ST6GAL2: variants seen among roughly 807,000 people sequenced by gnomAD.
The protein encoded by ST6GAL2 is ST6 beta-galactoside alpha-2,6-sialyltransferase 2.
A neutral mutation model predicts 37.5 loss-of-function variants in ST6GAL2; 24 were observed. That is an observed-to-expected ratio of 0.64 (90% CI 0.46 to 0.90). ST6GAL2 has a LOEUF of 0.90. Ranked by LOEUF, ST6GAL2 falls within the 40% of genes least tolerant of loss-of-function variation. The probability of loss-of-function intolerance (pLI) is 0.00; values close to 1 mark genes in which losing one functional copy is unlikely to be tolerated. For synonymous variants in ST6GAL2, 306 were observed against 295.1 expected, an observed-to-expected ratio of 1.04 and a Z score of -0.38; for missense variants, 715 against 712.7, an observed-to-expected ratio of 1.00 and a Z score of -0.04.
intron 5 of ST6GAL2, among the ~76,000 whole-genome samples, chr2:106,814,772 TG>T (rs1291479377): frequency 6.6e-6 from 1 of 152,200 alleles, no homozygotes; most frequent in Non-Finnish European, 1.5e-5. Context: ...TGTCATTACG[TG>T]GGCAAAATAG....
chr2:106,825,770 G>C (rs965809957), intron 5 of ST6GAL2, among the ~76,000 whole-genome samples: 5 of 152,174 alleles, frequency 3.3e-5, no homozygotes, highest in African/African-American at 1.2e-4. Flanking sequence ...TGTCTGTCCT[G>C]CAAATTTTGG....
intron 1 of ST6GAL2, among the ~76,000 whole-genome samples, chr2:106,873,019 A>C (rs1045766613): frequency 6.6e-6 from 1 of 152,204 alleles, no homozygotes; most frequent in Non-Finnish European, 1.5e-5. Flanking sequence ...ATTTCAAAAA[A>C]CAAAATAAAA....
chr2:106,875,111 T>C (rs6744287), intron 1 of ST6GAL2, among the ~76,000 whole-genome samples: 6,695 of 152,198 alleles, frequency 0.044, 471 homozygotes, highest in African/African-American at 0.15. Flanking sequence ...TGAAATCACA[T>C]TTATATTTCT....
At chr2:106,836,903 C>G (rs1573244636) in intron 2 of ST6GAL2, among the ~76,000 whole-genome samples, 1 of 135,078 alleles carries the variant, frequency 7.4e-6, no homozygotes, top group Admixed American at 8.1e-5. Context: ...AAGATTGCAC[C>G]ATTACACTAC....
intron 1 of ST6GAL2, among the ~76,000 whole-genome samples, chr2:106,872,466 A>G (rs1346016665): frequency 2.0e-5 from 3 of 152,216 alleles, no homozygotes; most frequent in Admixed American, 6.5e-5. Flanking sequence ...GTGACTTAAA[A>G]TGATTTCCAT....
intron 2 of ST6GAL2, among the ~76,000 whole-genome samples, chr2:106,835,709 T>C (rs1430777469): frequency 1.3e-5 from 2 of 152,170 alleles, no homozygotes; most frequent in African/African-American, 2.4e-5. Context: ...GTTGAGTTGT[T>C]GAGACAGAGA....
rs370785193 is a variant in ST6GAL2 at position 106,809,261 on chromosome 2, C to A, written c.1319-2312G>T. Among the ~76,000 whole-genome samples, 112 of 152,356 alleles carry A rather than the reference C, an allele frequency of 7.4e-4. 1 individual carries two copies. The highest frequency in any genetic ancestry group is 2.5e-3 in the African/African-American group (105 of 41,586). On this transcript the variant is annotated intron_variant, in intron 5 of 5. Transcript: ENST00000409382. Reference sequence around the variant, plus strand: ...ACGCTGAAGGGGGTGGACTTCATCACGGGCATCATTAATCAATATATTTAT... The same window carrying A: ...ACGCTGAAGGGGGTGGACTTCATCAAGGGCATCATTAATCAATATATTTAT...
intron 1 of ST6GAL2, among the ~76,000 whole-genome samples, chr2:106,854,271 C>A (rs958645382): frequency 6.6e-6 from 1 of 152,194 alleles, no homozygotes; most frequent in Non-Finnish European, 1.5e-5. Context: ...CTGTTGGCAC[C>A]TGCATAATTT....
At position 106,870,364 on chromosome 2, in the gene ST6GAL2, C is replaced by T. The variant is rs367813537; in HGVS notation, c.-58+15729G>A. ...AAAACGTGAAAACTTCCAGTTAGCT[C>T]GGATAGTCATGAAATGTAAACAGGT... On this transcript the variant is annotated intron_variant, in intron 1 of 5. Coordinates refer to ENST00000409382, the MANE Select transcript of ST6GAL2 (RefSeq NM_001142351.2). Among the ~76,000 whole-genome samples the T allele has an allele frequency of 1.1e-4, 17 of 152,186 alleles. No homozygotes were observed. The South Asian group carries it at 3.1e-3, about 28-fold the overall frequency.
chr2:106,840,551 G>T (rs1335256188), intron 2 of ST6GAL2, among the ~76,000 whole-genome samples: 1 of 152,104 alleles, frequency 6.6e-6, no homozygotes, highest in African/African-American at 2.4e-5. Flanking sequence ...ACAATAAAGA[G>T]AATTTTAAAG....
intron 1 of ST6GAL2, among the ~76,000 whole-genome samples, chr2:106,878,477 C>T (rs1015944082): frequency 6.6e-6 from 1 of 152,060 alleles, no homozygotes; most frequent in East Asian, 1.9e-4. Context: ...AAGACAAAGA[C>T]CAGGCTGAGC....
rs573867222 is a variant in ST6GAL2, at chr2:106,872,747, G to A, written c.-58+13346C>T. ...CTCCTGAGTAGCTGGGATTACAGGC[G>A]CCCGCCACCACACCCAGCTGATTTT... On this transcript the variant is annotated intron_variant, in intron 1 of 5. Coordinates refer to ENST00000409382, the MANE Select transcript of ST6GAL2 (RefSeq NM_001142351.2). Among the ~76,000 whole-genome samples, 25 of 152,064 alleles carry A rather than the reference G, an allele frequency of 1.6e-4. No homozygotes were observed. In the South Asian group the frequency reaches 1.7e-3, roughly 10 times the overall value.
chr2:106,863,218 C>T (rs544834611), intron 1 of ST6GAL2, among the ~76,000 whole-genome samples: 9 of 152,126 alleles, frequency 5.9e-5, no homozygotes, highest in Non-Finnish European at 1.0e-4. Flanking sequence ...GCCTGGCTCA[C>T]GTTTGCTCTC....
chr2:106,877,374 T>C (rs1410675719), intron 1 of ST6GAL2, among the ~76,000 whole-genome samples: 5 of 152,196 alleles, frequency 3.3e-5, no homozygotes, highest in Admixed American at 6.5e-5. Flanking sequence ...AAATATTACA[T>C]ATACATGTAT....
At chr2:106,870,856 T>C (rs1481359697) in intron 1 of ST6GAL2, among the ~76,000 whole-genome samples, 1 of 152,100 alleles carries the variant, frequency 6.6e-6, no homozygotes, top group African/African-American at 2.4e-5. Context: ...GCACGGCTCA[T>C]AAGGAAAATG....
chr2:106,823,559 GAT>G (rs762311654), intron 5 of ST6GAL2, among the ~76,000 whole-genome samples: 1 of 149,740 alleles, frequency 6.7e-6, no homozygotes, highest in Non-Finnish European at 1.5e-5. Flanking sequence ...AAGAACACAC[GAT>G]GTATGAGCCA....
intron 1 of ST6GAL2, among the ~76,000 whole-genome samples, chr2:106,862,858 C>A (rs1438235526): frequency 6.6e-6 from 1 of 152,132 alleles, no homozygotes; most frequent in Non-Finnish European, 1.5e-5. Flanking sequence ...TGACTAAATG[C>A]TGGAGAAAAC....
chr2:106,811,538 T>A lies in ST6GAL2; in HGVS notation c.1319-4589A>T, dbSNP rs138210704. ...GCACCTTTCTTTAAAAAGGTAAAGATATTAAATAAAACTAAAGATTTCACC... is the reference window on the plus strand; with the variant it reads ...GCACCTTTCTTTAAAAAGGTAAAGAAATTAAATAAAACTAAAGATTTCACC... On this transcript the variant is annotated intron_variant, in intron 5 of 5. Coordinates refer to ENST00000409382, the MANE Select transcript of ST6GAL2 (RefSeq NM_001142351.2). 6.2e-3 allele frequency among the ~76,000 whole-genome samples: 947 copies of A among 152,248 alleles called. 5 individuals are homozygous for A. Among genetic ancestry groups the A allele is most frequent in the African/African-American group, 0.022 (913 of 41,542 alleles).
At chr2:106,808,048 T>C (rs781103672) in intron 5 of ST6GAL2, among the ~76,000 whole-genome samples, 18 of 152,204 alleles carry the variant, frequency 1.2e-4, no homozygotes, top group Non-Finnish European at 2.5e-4. Context: ...TCCCTTGTTA[T>C]AAAAAACATA....
Sources: gnomAD v4.1 joint callset for allele counts (sites outside exome capture counted in the v4.1 genomes callset) on GRCh38, gnomAD v4.1.1 for gene constraint, MANE v1.5 for transcripts, NCBI Gene and HGNC (gene_info 2026-07-23, HGNC 2026-07-21) for gene names.